Variants in WDR70 observed in about 807,000 individuals in gnomAD.
WDR70 encodes WD repeat-containing protein 70.
A neutral mutation model predicts 88.6 loss-of-function variants in WDR70; 53 were observed. The observed-to-expected ratio is 0.60, with a 90% CI of 0.48 to 0.75. The LOEUF (loss-of-function observed/expected upper bound fraction) is 0.75, where lower values mean the gene tolerates loss of function less well. Ranked by LOEUF, WDR70 falls within the 30% of genes least tolerant of loss-of-function variation. WDR70 has a pLI of 0.00. For synonymous variants in WDR70, 280 were observed against 270.0 expected (o/e 1.04, Z -0.36); for missense variants, 610 against 823.2 (o/e 0.74, Z 3.17).
In WDR70 at chr5:37,379,353, G is replaced by C. The variant is rs748768629; in HGVS notation, c.-15G>C. 19 of 1,613,488 alleles carry C rather than the reference G, an allele frequency of 1.2e-5. No homozygotes were observed. The Admixed American group carries it at 2.0e-4, about 17-fold the overall frequency. ...GGGCTGTCCCTGTGGCTGGTTCTGG[G>C]GTGTGCGGCCAGCCATGGAGCGCTC... is the stretch of plus-strand genomic sequence containing the variant. On this transcript the variant is annotated 5_prime_UTR_variant, in exon 1 of 18. Transcript: ENST00000265107.
intron 4 of WDR70, 62 bp downstream of exon 4, chr5:37,392,182 T>TG: frequency 1.3e-6 from 2 of 1,529,676 alleles, no homozygotes; most frequent in South Asian, 1.2e-5. Context: ...ATAGAGTTTT[T>TG]TTTTTTTTTT....
intron 9 of WDR70, among the ~76,000 whole-genome samples, chr5:37,537,491 T>C (rs1193853196): frequency 6.6e-6 from 1 of 152,194 alleles, no homozygotes; most frequent in Non-Finnish European, 1.5e-5. Flanking sequence ...TGACCGCTAC[T>C]ACTCCACAAG....
At chr5:37,655,165 G>A (rs1188951230) in intron 10 of WDR70, among the ~76,000 whole-genome samples, 1 of 152,094 alleles carries the variant, frequency 6.6e-6, no homozygotes, top group Non-Finnish European at 1.5e-5. Context: ...CTCAGCTTTT[G>A]CTTGTCTGTA....
At position 37,481,931 on chromosome 5, in the gene WDR70, A is replaced by G. The variant is rs116381928; in HGVS notation, c.840+1944A>G. 1.9e-3 allele frequency among the ~76,000 whole-genome samples: 296 copies of G among 151,944 alleles called. 1 individual carries two copies. The highest frequency in any genetic ancestry group is 6.9e-3 in the African/African-American group (284 of 41,430). ...TAGGGAACTCTAGAAAAAAATTCTT[A>G]TTTCACTCTTTCCCGCCTATCTTAT... On this transcript the variant is annotated intron_variant, in intron 8 of 17. Transcript: ENST00000265107.
intron 13 of WDR70, among the ~76,000 whole-genome samples, chr5:37,712,506 A>G (rs1183870519): frequency 6.6e-6 from 1 of 152,124 alleles, no homozygotes; most frequent in Non-Finnish European, 1.5e-5. Flanking sequence ...AATGAATATG[A>G]TATGTTTCCT....
In WDR70 at chr5:37,719,976, C is replaced by T. The variant is rs148568356; in HGVS notation, c.1417-1139C>T. On this transcript the variant is annotated intron_variant, in intron 13 of 17. Coordinates refer to ENST00000265107, the MANE Select transcript of WDR70 (RefSeq NM_018034.4). The stretch of plus-strand genomic sequence containing the variant: ...TCCTGCCTCAGCCTCCTGAGTAGCT[C>T]GGACTACAGGCGCGTGCCACCATGC... 8.3e-3 allele frequency among the ~76,000 whole-genome samples: 1,267 copies of T among 151,770 alleles called. 20 individuals carry two copies. The highest frequency in any genetic ancestry group is 0.028 in the African/African-American group (1,158 of 41,376).
At chr5:37,603,508 A>G (rs1743947163) in intron 9 of WDR70, among the ~76,000 whole-genome samples, 1 of 152,208 alleles carries the variant, frequency 6.6e-6, no homozygotes, top group Non-Finnish European at 1.5e-5. Context: ...TAAAACGACT[A>G]GAAGAAAACA....
chr5:37,446,768 A>C (rs1334785099), intron 7 of WDR70, among the ~76,000 whole-genome samples: 1 of 152,234 alleles, frequency 6.6e-6, no homozygotes, highest in East Asian at 1.9e-4. Flanking sequence ...TCCCTTCCTT[A>C]TACCTTACAC....
intron 10 of WDR70, among the ~76,000 whole-genome samples, chr5:37,607,129 GA>G (rs1348357687): frequency 3.3e-5 from 5 of 151,690 alleles, no homozygotes; most frequent in African/African-American, 1.2e-4. Context: ...TTTTGGTAGA[GA>G]CGGGGTTCCA....
intron 10 of WDR70, among the ~76,000 whole-genome samples, chr5:37,681,111 C>A (rs549630409): frequency 5.3e-5 from 8 of 152,098 alleles, no homozygotes; most frequent in East Asian, 3.9e-4. Flanking sequence ...TTTCTGATTT[C>A]TTTGAGCAGT....
chr5:37,506,815 C>G, intron 8 of WDR70: 1 of 1,345,936 alleles, frequency 7.4e-7, no homozygotes, highest in Non-Finnish European at 1.1e-6. Context: ...ACCACCTTTC[C>G]GTTCTTGGGG....
intron 10 of WDR70, among the ~76,000 whole-genome samples, chr5:37,615,618 C>T (rs1467482464): frequency 1.3e-5 from 2 of 152,206 alleles, no homozygotes; most frequent in Admixed American, 6.5e-5. Context: ...ATCTTCTTAA[C>T]TCTGTCCTAA....
intron 9 of WDR70, among the ~76,000 whole-genome samples, chr5:37,558,402 T>C (rs1041868712): frequency 1.3e-5 from 2 of 152,174 alleles, no homozygotes; most frequent in Non-Finnish European, 2.9e-5. Flanking sequence ...CACTGCAGCC[T>C]CGACATCCCA....
At chr5:37,713,911 A>G (rs1244249136) in intron 13 of WDR70, among the ~76,000 whole-genome samples, 2 of 152,202 alleles carry the variant, frequency 1.3e-5, no homozygotes, top group Admixed American at 6.5e-5. Context: ...CAGCTGTTCT[A>G]TCAGAATTCT....
At position 37,457,056 on chromosome 5, in the gene WDR70, G is replaced by T. The variant is rs188266512; in HGVS notation, c.686+13684G>T. Among the ~76,000 whole-genome samples, 270 of 152,214 alleles carry T rather than the reference G, an allele frequency of 1.8e-3. 2 individuals carry two copies. The highest frequency in any genetic ancestry group is 6.1e-3 in the African/African-American group (254 of 41,556). On this transcript the variant is annotated intron_variant, in intron 7 of 17. Transcript: ENST00000265107. ...ATCCAATGTGAGAAGGCTAAGGTGG[G>T]GGTGTAAATGACCAGACTTTTTTTT... is the stretch of plus-strand genomic sequence containing the variant.
intron 8 of WDR70, among the ~76,000 whole-genome samples, chr5:37,504,335 C>G (rs116404169): frequency 4.0e-4 from 61 of 151,580 alleles, no homozygotes; most frequent in African/African-American, 1.4e-3. Flanking sequence ...GTCTTGATTA[C>G]TGTAGCTTTT....
In WDR70 at chr5:37,560,438, T is replaced by C. The variant is rs572600872; in HGVS notation, c.917+43848T>C. Among the ~76,000 whole-genome samples the C allele has an allele frequency of 4.2e-4, 64 of 152,324 alleles. 1 individual carries two copies. Among genetic ancestry groups the C allele is most frequent in the Admixed American group, 7.8e-4 (12 of 15,304 alleles). ...GGGCACACCTCTCCAGAACTCTCAGTTTAAAGTCAAATATGAGAGTCTACC... is the reference window on the plus strand; with the variant it reads ...GGGCACACCTCTCCAGAACTCTCAGCTTAAAGTCAAATATGAGAGTCTACC... On this transcript the variant is annotated intron_variant, in intron 9 of 17. Coordinates refer to ENST00000265107, the MANE Select transcript of WDR70 (RefSeq NM_018034.4).
intron 17 of WDR70, among the ~76,000 whole-genome samples, chr5:37,730,030 T>C (rs977034320): frequency 1.3e-5 from 2 of 152,184 alleles, no homozygotes. Context: ...TAGCATAATG[T>C]AAATCATCTT....
At chr5:37,530,896 A>G (rs10041819) in intron 9 of WDR70, among the ~76,000 whole-genome samples, 6,553 of 149,538 alleles carry the variant, frequency 0.044, 474 homozygotes, top group African/African-American at 0.15. Flanking sequence ...TAGATTGTCT[A>G]TTTGTGCTCT....
Sources: gnomAD v4.1 joint callset for allele counts (sites outside exome capture counted in the v4.1 genomes callset) on GRCh38, gnomAD v4.1.1 for gene constraint, MANE v1.5 for transcripts, NCBI Gene and HGNC (gene_info 2026-07-23, HGNC 2026-07-21) for gene names.